NCAPG2: variants seen among roughly 807,000 people sequenced by gnomAD.
NCAPG2 encodes the protein non-SMC condensin II complex subunit G2.
NCAPG2 carries 53 observed loss-of-function variants against 141.1 expected under a neutral mutation model. The ratio of observed to expected loss-of-function variants is 0.38; its 90% CI spans 0.30 to 0.47. The LOEUF (loss-of-function observed/expected upper bound fraction) is 0.47. Ranked by LOEUF, NCAPG2 falls within the 20% of genes least tolerant of loss-of-function variation. NCAPG2 has a pLI of 0.99. For missense variants in NCAPG2, 1,087 were observed against 1,389.0 expected (o/e 0.78, Z 3.46); for synonymous variants, 499 against 490.7 (o/e 1.02, Z -0.22).
chr7:158,699,730 G>A (rs1321390547), intron 2 of NCAPG2, among the ~76,000 whole-genome samples: 1 of 152,168 alleles, frequency 6.6e-6, no homozygotes, highest in Non-Finnish European at 1.5e-5. Context: ...TGGGAGCACA[G>A]GCACCTACTC....
At position 158,655,420 on chromosome 7, in the gene NCAPG2, C is replaced by T. The variant is rs527387542; in HGVS notation, c.2424G>A (p.Gly808=). 214 of 1,614,004 alleles carry T rather than the reference C, an allele frequency of 1.3e-4. 4 individuals carry two copies. In the Middle Eastern group the frequency reaches 2.1e-3, roughly 16 times the overall value. The change falls in exon 20 of 28, where the codon GGG becomes GGA. Residue 808 remains glycine (G), a synonymous_variant. Transcript: ENST00000356309. The part of the protein sequence containing the change: ...DLESLLQTPG[G]KPRGFSEAAA... ...CTGCTTCACTGAAGCCACGAGGCTTCCCACCCGGTGTCTGCAGAAGTGACT... is the reference window on the plus strand; with the variant it reads ...CTGCTTCACTGAAGCCACGAGGCTTTCCACCCGGTGTCTGCAGAAGTGACT...
intron 13 of NCAPG2, among the ~76,000 whole-genome samples, chr7:158,667,750 TC>T (rs1254168171): frequency 4.2e-5 from 2 of 47,574 alleles, no homozygotes; most frequent in African/African-American, 1.2e-4. Context: ...CCCTCCGCCC[TC>T]CCTTACCCAC....
intron 11 of NCAPG2, among the ~76,000 whole-genome samples, chr7:158,676,050 C>T (rs1200231903): frequency 1.3e-5 from 2 of 152,292 alleles, no homozygotes; most frequent in East Asian, 3.9e-4. Context: ...TTGTAATGAA[C>T]TAATCCAGGC....
In NCAPG2 at chr7:158,662,380, T is replaced by G; in HGVS notation, c.1816-13A>C. On this transcript the variant is annotated splice_polypyrimidine_tract_variant and intron_variant, in intron 15 of 27. Coordinates refer to ENST00000356309, the MANE Select transcript of NCAPG2 (RefSeq NM_017760.7). ...TTTTGTCCAGAACCTAAGATAAAAA[T>G]AATTTTATTGTGAAAGGATCTAATC... The G allele has an allele frequency of 6.5e-7, 1 of 1,539,766 alleles. No individual in the cohort carries two copies. The highest frequency in any genetic ancestry group is 2.2e-5 in the Admixed American group (1 of 45,862).
intron 27 of NCAPG2, among the ~76,000 whole-genome samples, chr7:158,643,937 G>A (rs1034580772): frequency 1.3e-5 from 2 of 152,206 alleles, no homozygotes; most frequent in African/African-American, 4.8e-5. Context: ...CCCCATGTGG[G>A]TATTTGTCCG....
intron 2 of NCAPG2, among the ~76,000 whole-genome samples, chr7:158,698,686 G>C (rs781270092): frequency 6.6e-6 from 1 of 152,122 alleles, no homozygotes; most frequent in African/African-American, 2.4e-5. Flanking sequence ...CAAGAGTCAT[G>C]TGACTGTACC....
chr7:158,679,554 G>A (rs1218339378), intron 11 of NCAPG2, among the ~76,000 whole-genome samples: 1 of 152,144 alleles, frequency 6.6e-6, no homozygotes, highest in Non-Finnish European at 1.5e-5. Context: ...AAGACACAGA[G>A]AAGTTAAGTG....
intron 13 of NCAPG2, among the ~76,000 whole-genome samples, chr7:158,669,224 T>C (rs1310712654): frequency 6.6e-6 from 1 of 152,228 alleles, no homozygotes; most frequent in East Asian, 1.9e-4. Flanking sequence ...AGTGCTTCAA[T>C]GAACATACGC....
chr7:158,690,689 T>G lies in NCAPG2; in HGVS notation c.416A>C (p.Lys139Thr). 6.2e-7 allele frequency: 1 copy of G among 1,614,166 alleles called. No homozygotes were observed. Among genetic ancestry groups the G allele is most frequent in the Non-Finnish European group, 8.5e-7 (1 of 1,179,990 alleles). The change falls in exon 5 of 28, where the codon AAA becomes ACA. Residue 139 changes from lysine (K) to threonine (T), a missense_variant. Coordinates refer to ENST00000356309, the MANE Select transcript of NCAPG2 (RefSeq NM_017760.7). ...CAAATCCTGAATAGAACTCTGTAGT[T>G]TTCGTTCAGACTCAGGTAATGCATA... ...ILYALPESER[K>T]LQSSIQDLCV... is the part of the protein sequence containing the mutation.
chr7:158,648,744 ACGC>A (rs1831237685), intron 24 of NCAPG2, among the ~76,000 whole-genome samples: 1 of 43,362 alleles, frequency 2.3e-5, no homozygotes, highest in Non-Finnish European at 5.0e-5. Context: ...GACCACAACC[ACGC>A]CAAATGGACC....
In NCAPG2 at chr7:158,631,406, T is replaced by C; in HGVS notation, c.*260A>G. ...ACCAGGTTTGCTAGAAAAGTGTTTTTTCTTGGAATCATGGATTTCTACACC... is the reference window on the plus strand; with the variant it reads ...ACCAGGTTTGCTAGAAAAGTGTTTTCTCTTGGAATCATGGATTTCTACACC... On this transcript the variant is annotated 3_prime_UTR_variant, in exon 28 of 28. Transcript: ENST00000356309. 2.2e-6 allele frequency: 1 copy of C among 445,386 alleles called. No individual in the cohort carries two copies. Among genetic ancestry groups the C allele is most frequent in the South Asian group, 3.9e-5 (1 of 25,602 alleles). The allele number at this position is 445,386 out of a possible 1,614,324, so 27.6% of individuals were successfully genotyped here.
At chr7:158,658,247 A>T in intron 17 of NCAPG2, 91 bp downstream of exon 17, 2 of 1,215,720 alleles carry the variant, frequency 1.6e-6, no homozygotes, top group Non-Finnish European at 2.2e-6. Context: ...TGAAAGCTAA[A>T]TGTTATGGTC....
rs1200873160 is a variant in NCAPG2 at position 158,633,747 on chromosome 7, T to C, written c.3381-2030A>G. On this transcript the variant is annotated intron_variant, in intron 27 of 27. Coordinates refer to ENST00000356309, the MANE Select transcript of NCAPG2 (RefSeq NM_017760.7). This position sits in a 1 kb window ranked among gnomAD's most constrained non-coding sequence, Gnocchi z 4.1. ...CCAGGAAGTCATGAACCCTCCAAAA[T>C]CTAAAATTAATTTTTTTTTTTGAGA... Among the ~76,000 whole-genome samples the C allele has an allele frequency of 1.3e-5, 2 of 151,946 alleles. No homozygotes were observed. Among genetic ancestry groups the C allele is most frequent in the African/African-American group, 2.4e-5 (1 of 41,346 alleles).
intron 24 of NCAPG2, 100 bp downstream of exon 24, chr7:158,650,732 A>T (rs1184823719): frequency 7.8e-6 from 11 of 1,418,652 alleles, no homozygotes; most frequent in Middle Eastern, 2.0e-4. Context: ...GAAAATTCTT[A>T]AAAAATACTT....
intron 2 of NCAPG2, 133 bp from the exon 3 acceptor site, chr7:158,693,630 C>G (rs961003040): frequency 1.5e-5 from 11 of 730,884 alleles, no homozygotes; most frequent in Non-Finnish European, 1.9e-5. Context: ...TATTCAAAAT[C>G]CATTCCTAAA....
chr7:158,667,190 G>A (rs1833035785), intron 13 of NCAPG2: 4 of 985,422 alleles, frequency 4.1e-6, no homozygotes, highest in South Asian at 4.7e-5. Context: ...GCAAAGATAA[G>A]GACTGAAACG....
chr7:158,680,047 C>A lies in NCAPG2; in HGVS notation c.1059G>T (p.Leu353Phe). 1.2e-6 allele frequency: 2 copies of A among 1,613,944 alleles called. No homozygotes were observed. Among genetic ancestry groups the A allele is most frequent in the Non-Finnish European group, 1.7e-6 (2 of 1,179,846 alleles). The change falls in exon 11 of 28, where the codon TTG (leucine) becomes TTT (phenylalanine). Residue 353 changes from leucine to phenylalanine, a missense_variant. By Grantham distance (22) the Leu-to-Phe change is conservative. Transcript: ENST00000356309. The stretch of plus-strand genomic sequence containing the variant: ...CCCTAATAGGAAATGCTTCAACAAA[C>A]AACAATGCAGCATTTGATCGAACTT... ...NSEVRSNAAL[L>F]FVEAFPIRDP...
chr7:158,653,017 T>A (rs1188651035), intron 22 of NCAPG2, among the ~76,000 whole-genome samples: 1 of 152,248 alleles, frequency 6.6e-6, no homozygotes. Flanking sequence ...TAATTTTGAC[T>A]GTTGCAATCA....
chr7:158,689,911 A>T lies in NCAPG2; in HGVS notation c.580T>A (p.Tyr194Asn), dbSNP rs1486840276. 8.7e-6 allele frequency: 14 copies of T among 1,605,604 alleles called. No homozygotes were observed. The highest frequency in any genetic ancestry group is 1.2e-5 in the Non-Finnish European group (14 of 1,176,472). Residue 194 changes from tyrosine to asparagine, a missense_variant, in exon 6 of 28, where the codon TAT (tyrosine) becomes AAT (asparagine). By Grantham distance (143) the Tyr-to-Asn change is moderately radical. Coordinates refer to ENST00000356309, the MANE Select transcript of NCAPG2 (RefSeq NM_017760.7). ...CRLWRIHQAL[Y>N]CFDYDLEESG... The stretch of plus-strand genomic sequence containing the variant: ...TCCTCCAAATCATAATCAAAGCAAT[A>T]TAAAGCTTGATGGATACGCCAAAGC...
Sources: allele counts gnomAD v4.1 joint callset (sites outside exome capture counted in the v4.1 genomes callset), GRCh38; gene constraint gnomAD v4.1.1; non-coding constraint Gnocchi (gnomAD v3.1); transcripts MANE v1.5; gene names NCBI Gene and HGNC (gene_info 2026-07-23, HGNC 2026-07-21).